CWF19L2: variants seen among roughly 807,000 people sequenced by gnomAD.
CWF19L2 encodes CWF19 like cell cycle control factor 2, also known as CWF19-like protein 2.
A neutral mutation model predicts 111.7 loss-of-function variants in CWF19L2; 98 were observed. That is an observed-to-expected ratio of 0.88 (90% confidence interval 0.75 to 1.04). CWF19L2 has a LOEUF of 1.04. Ranked by LOEUF, CWF19L2 falls within the 50% of genes least tolerant of loss-of-function variation. The pLI, the probability that CWF19L2 is intolerant of heterozygous loss-of-function variation, is 0.00. For synonymous variants in CWF19L2, 351 were observed against 342.9 expected (o/e 1.02, Z -0.26); for missense variants, 1,101 against 1,051.4 (o/e 1.05, Z -0.65).
At chr11:107,427,465 G>C (rs1237978782) in intron 8 of CWF19L2, among the ~76,000 whole-genome samples, 2 of 152,026 alleles carry the variant, frequency 1.3e-5, no homozygotes, top group African/African-American at 4.8e-5. Context: ...CTGTATTATA[G>C]TGTATCTATC....
In CWF19L2 at chr11:107,442,793, AGGGAGGGAG is replaced by A. The variant is rs1455196296; in HGVS notation, c.450+137_450+145del. ...AAGGAAGGAAGGAAGGAAGGAAGGAAGGGAGGGAGGGAGGGAGGGAGGGAGGGGGAGGGA... is the reference window on the plus strand; with the variant it reads ...AAGGAAGGAAGGAAGGAAGGAAGGAAGGAGGGAGGGAGGGAGGGGGAGGGA... On this transcript the variant is annotated intron_variant, in intron 4 of 17. Coordinates refer to ENST00000282251, the MANE Select transcript of CWF19L2 (RefSeq NM_152434.3). 153 of 249,404 alleles carry A rather than the reference AGGGAGGGAG, an allele frequency of 6.1e-4. 1 individual carries two copies. Among genetic ancestry groups the A allele is most frequent in the African/African-American group, 4.2e-3 (50 of 11,868 alleles). The allele number at this position is 249,404 out of a possible 1,614,324, so 15.4% of individuals were successfully genotyped here. A position where few individuals can be genotyped will look rare whatever the true frequency, so the allele number is the denominator to read the frequency against.
chr11:107,384,277 G>A (rs140946573), intron 12 of CWF19L2, among the ~76,000 whole-genome samples: 420 of 152,304 alleles, frequency 2.8e-3, no homozygotes, highest in African/African-American at 9.3e-3. Context: ...TTCAGATTTT[G>A]AATTGTTTTG....
At chr11:107,371,639 T>C (rs1452940123) in intron 12 of CWF19L2, among the ~76,000 whole-genome samples, 1 of 138,002 alleles carries the variant, frequency 7.2e-6, no homozygotes, top group African/African-American at 2.9e-5. Flanking sequence ...TTTTGAAATT[T>C]AAAAATATTT....
chr11:107,393,739 G>A (rs1860882266), intron 10 of CWF19L2, among the ~76,000 whole-genome samples: 1 of 152,098 alleles, frequency 6.6e-6, no homozygotes, highest in African/African-American at 2.4e-5. Context: ...ACAGCAGCAT[G>A]GATGGAGCTA....
chr11:107,398,114 A>T (rs751086342), intron 10 of CWF19L2, among the ~76,000 whole-genome samples: 2 of 152,132 alleles, frequency 1.3e-5, no homozygotes, highest in Non-Finnish European at 2.9e-5. Context: ...ATGACAAAAC[A>T]AGGCTCTTCA....
rs1383735185 is a variant in CWF19L2, at chr11:107,369,886, C to G, written c.1873-16150G>C. Among the ~76,000 whole-genome samples the G allele has an allele frequency of 2.9e-5, 4 of 138,220 alleles. 1 individual carries two copies. The highest frequency in any genetic ancestry group is 6.2e-5 in the Non-Finnish European group (4 of 64,276). The allele number at this position is 138,220 out of a possible 152,430, so 90.7% of individuals were successfully genotyped here. Reference sequence around the variant, plus strand: ...AATATAATATTACCTAGTTCTTTTACAAATAATTAAAACTAACTTTCAAGT... The same window carrying G: ...AATATAATATTACCTAGTTCTTTTAGAAATAATTAAAACTAACTTTCAAGT... On this transcript the variant is annotated intron_variant, in intron 12 of 17. Coordinates refer to ENST00000282251, the MANE Select transcript of CWF19L2 (RefSeq NM_152434.3).
intron 12 of CWF19L2, among the ~76,000 whole-genome samples, chr11:107,370,958 A>C (rs980555219): frequency 1.5e-5 from 2 of 135,666 alleles, no homozygotes; most frequent in Non-Finnish European, 1.6e-5. Context: ...TTTAACAAAA[A>C]TTATTCTTTT....
chr11:107,444,094 C>A (rs1339222679), intron 3 of CWF19L2, among the ~76,000 whole-genome samples: 1 of 144,728 alleles, frequency 6.9e-6, no homozygotes, highest in Non-Finnish European at 1.6e-5. Flanking sequence ...GCATTTCCCA[C>A]CCTTTTTTTT....
Position 107,353,654 on chromosome 11 carries a change from T to A in CWF19L2, c.1955A>T (p.Glu652Val), listed in dbSNP as rs1161399898. 5 of 1,613,716 alleles carry A rather than the reference T, an allele frequency of 3.1e-6. No individual in the cohort carries two copies. The South Asian group carries it at 4.4e-5, about 14-fold the overall frequency. ...TTTTTTCCTTTGGTTCTCTTCCTCT[T>A]CACCAAGACGTTCTCTCTCAGCTGC... The part of the protein sequence containing the change: ...SKAAERERLG[E>V]EEENQRKKAI... The change falls in exon 13 of 18, where the codon GAA (glutamate) becomes GTA (valine). Residue 652 changes from glutamate to valine, a missense_variant. Physicochemically the swap from Glu to Val is moderately radical, Grantham distance 121 (BLOSUM62 -2). Coordinates refer to ENST00000282251, the MANE Select transcript of CWF19L2 (RefSeq NM_152434.3).
chr11:107,327,884 A>G (rs11212162), intron 17 of CWF19L2, among the ~76,000 whole-genome samples: 43,617 of 152,000 alleles, frequency 0.29, 6,392 homozygotes, highest in Non-Finnish European at 0.32. Context: ...TAGCTCCACC[A>G]GACTGTGTGG....
At chr11:107,329,058 G>A (rs61450928) in intron 17 of CWF19L2, among the ~76,000 whole-genome samples, 1,897 of 152,268 alleles carry the variant, frequency 0.012, 24 homozygotes, top group South Asian at 0.039. Flanking sequence ...GCAGGGTGGA[G>A]AACAGGGAAT....
Position 107,372,477 on chromosome 11 carries a change from A to G in CWF19L2, c.1872+17597T>C, listed in dbSNP as rs1860525428. On this transcript the variant is annotated intron_variant, in intron 12 of 17. Coordinates refer to ENST00000282251, the MANE Select transcript of CWF19L2 (RefSeq NM_152434.3). ...ACGGATGGAGCAGAGGAAGCAAAAC[A>G]AAAGAGTGTGATTCAAGATGAGTCT... 2.2e-5 allele frequency among the ~76,000 whole-genome samples: 3 copies of G among 136,914 alleles called. 1 individual carries two copies. The highest frequency in any genetic ancestry group is 8.8e-5 in the African/African-American group (3 of 34,146). The allele number at this position is 136,914 out of a possible 152,430, so 89.8% of individuals were successfully genotyped here. A position where few individuals can be genotyped will look rare whatever the true frequency, so the allele number is the denominator to read the frequency against.
intron 10 of CWF19L2, among the ~76,000 whole-genome samples, chr11:107,395,399 AACAG>A (rs1328218199): frequency 6.6e-6 from 1 of 152,232 alleles, no homozygotes; most frequent in Non-Finnish European, 1.5e-5. Context: ...GCAGCATGAA[AACAG>A]ACAAATACAA....
At chr11:107,435,853 A>G (rs1034745542) in intron 6 of CWF19L2, among the ~76,000 whole-genome samples, 1 of 152,170 alleles carries the variant, frequency 6.6e-6, no homozygotes, top group South Asian at 2.1e-4. Context: ...TACAATAGGA[A>G]GTACAAACAT....
rs1378312001 is a variant in CWF19L2, at chr11:107,353,709, A to C, written c.1900T>G (p.Tyr634Asp). The C allele has an allele frequency of 6.2e-7, 1 of 1,613,768 alleles. No homozygotes were observed. The highest frequency in any genetic ancestry group is 1.1e-5 in the South Asian group (1 of 91,072). The change falls in exon 13 of 18, where the codon TAC becomes GAC. Residue 634 changes from tyrosine (Y) to aspartate (D), a missense_variant. By Grantham distance (160) the Tyr-to-Asp change is radical. Transcript: ENST00000282251. Reference protein sequence around the residue: ...KFMGKTDGDYYTLDDMFVSKA... With the variant: ...KFMGKTDGDYDTLDDMFVSKA... Reference sequence around the variant, plus strand: ...GAGACAAACATGTCATCCAGGGTGTAATAGTCTCCATCTGTTTTTCCCATA... The same window carrying C: ...GAGACAAACATGTCATCCAGGGTGTCATAGTCTCCATCTGTTTTTCCCATA...
At chr11:107,403,383 T>G in intron 10 of CWF19L2, 1 of 726,142 alleles carries the variant, frequency 1.4e-6, no homozygotes, top group Non-Finnish European at 2.5e-6. Context: ...TTAGAACACA[T>G]AAAACATGGC....
At chr11:107,404,111 A>C in intron 10 of CWF19L2, 1 of 774,728 alleles carries the variant, frequency 1.3e-6, no homozygotes, top group African/African-American at 1.7e-5. Flanking sequence ...TCCATGTGAG[A>C]CTGTCTCTGT....
intron 14 of CWF19L2, among the ~76,000 whole-genome samples, chr11:107,347,891 T>C (rs1473670316): frequency 6.6e-6 from 1 of 152,212 alleles, no homozygotes; most frequent in Non-Finnish European, 1.5e-5. Context: ...CATTTTGCTC[T>C]AAATTAAATC....
In CWF19L2 at chr11:107,368,371, T is replaced by G. The variant is rs2134567472; in HGVS notation, c.1873-14635A>C. 1.5e-5 allele frequency among the ~76,000 whole-genome samples: 2 copies of G among 137,406 alleles called. 1 individual carries two copies. Among genetic ancestry groups the G allele is most frequent in the South Asian group, 4.9e-4 (2 of 4,098 alleles). The allele number at this position is 137,406 out of a possible 152,430, so 90.1% of individuals were successfully genotyped here. ...GATAAATTCCTGGAAACATAAAACC[T>G]TCCAAGATTGAACGAACCACTGGCC... On this transcript the variant is annotated intron_variant, in intron 12 of 17. Coordinates refer to ENST00000282251, the MANE Select transcript of CWF19L2 (RefSeq NM_152434.3).
Sources: allele counts gnomAD v4.1 joint callset (sites outside exome capture counted in the v4.1 genomes callset), GRCh38; gene constraint gnomAD v4.1.1; transcripts MANE v1.5; gene names NCBI Gene and HGNC (gene_info 2026-07-23, HGNC 2026-07-21).